DCHS2: variants seen among roughly 807,000 people sequenced by gnomAD.
DCHS2 encodes the protein protocadherin-23.
A neutral mutation model predicts 182.4 loss-of-function variants in DCHS2; 142 were observed. That is an observed-to-expected ratio of 0.78 (90% CI 0.68 to 0.89). The LOEUF is 0.89. Among genes scored for constraint, DCHS2 ranks in the 40% least tolerant of loss-of-function variants. The probability of loss-of-function intolerance (pLI) is 0.00; values close to 1 mark genes in which losing one functional copy is unlikely to be tolerated. For missense variants in DCHS2, 4,319 were observed against 4,198.6 expected, an observed-to-expected ratio of 1.03 and a Z score of -0.79; for synonymous variants, 1,740 against 1,663.3, an observed-to-expected ratio of 1.05 and a Z score of -1.12.
chr4:154,353,757 C>T (rs956553894), intron 3 of DCHS2, among the ~76,000 whole-genome samples: 2 of 152,182 alleles, frequency 1.3e-5, no homozygotes, highest in South Asian at 4.1e-4. Context: ...CAAAGGGTGT[C>T]CCCTGACTAC....
intron 1 of DCHS2, among the ~76,000 whole-genome samples, chr4:154,479,801 C>T (rs1457090031): frequency 1.3e-5 from 2 of 152,102 alleles, no homozygotes; most frequent in Admixed American, 1.3e-4. Context: ...TATAAATTGG[C>T]CTCCCTGTCA....
At chr4:154,279,110 T>C (rs2111229373) in intron 13 of DCHS2, among the ~76,000 whole-genome samples, 1 of 152,214 alleles carries the variant, frequency 6.6e-6, no homozygotes, top group East Asian at 1.9e-4. Context: ...ATAGAATGTG[T>C]TGGGGATGTA....
At position 154,490,160 on chromosome 4, in the gene DCHS2, A is replaced by T. The variant is rs1262345636; in HGVS notation, c.1196T>A (p.Val399Glu). The change falls in exon 1 of 20, where the codon GTG (valine) becomes GAG (glutamate). Residue 399 changes from valine (V) to glutamate (E), a missense_variant. Coordinates refer to ENST00000357232, the MANE Select transcript of DCHS2 (RefSeq NM_001358235.2). ...GAEPEVATVR[V>E]SIAVLDVNDN... ...ATTCACGTCCAGCACGGCGATGGAC[A>T]CGCGCACCGTGGCAACCTCAGGCTC... The T allele has an allele frequency of 6.5e-7, 1 of 1,549,454 alleles. No homozygotes were observed. Among genetic ancestry groups the T allele is most frequent in the Non-Finnish European group, 8.7e-7 (1 of 1,146,520 alleles).
intron 15 of DCHS2, among the ~76,000 whole-genome samples, chr4:154,257,795 G>A (rs1417038005): frequency 2.6e-5 from 4 of 152,196 alleles, no homozygotes. Flanking sequence ...CTCAATGATT[G>A]GAAAATGGAA....
intron 1 of DCHS2, among the ~76,000 whole-genome samples, chr4:154,441,340 G>A (rs1734003528): frequency 1.3e-5 from 2 of 152,122 alleles, no homozygotes; most frequent in African/African-American, 4.8e-5. Context: ...AGCATTTTGG[G>A]AAGCAAAGGG....
chr4:154,490,295 G>T lies in DCHS2; in HGVS notation c.1061C>A (p.Ala354Asp), dbSNP rs1239499069. 2 of 1,547,144 alleles carry T rather than the reference G, an allele frequency of 1.3e-6. No homozygotes were observed. The highest frequency in any genetic ancestry group is 1.7e-6 in the Non-Finnish European group (2 of 1,146,626). The stretch of plus-strand genomic sequence containing the variant: ...GCTCAGCTCCTCCACCGCGAAGTAG[G>T]CCGCGTCGCCCAGTGCCCCGCCGCC... Reference protein sequence around the residue: ...GSGGGALGDAAYFAVEELSGV... With the variant: ...GSGGGALGDADYFAVEELSGV... Residue 354 changes from alanine to aspartate, a missense_variant, in exon 1 of 20, where the codon GCC becomes GAC. Coordinates refer to ENST00000357232, the MANE Select transcript of DCHS2 (RefSeq NM_001358235.2).
At chr4:154,295,317 C>T (rs1468050827) in intron 13 of DCHS2, among the ~76,000 whole-genome samples, 2 of 152,188 alleles carry the variant, frequency 1.3e-5, no homozygotes, top group Non-Finnish European at 2.9e-5. Context: ...ATTTTAGATG[C>T]CTAGTTAGAT....
At chr4:154,244,055 G>A (rs545748841) in intron 16 of DCHS2, among the ~76,000 whole-genome samples, 185 of 152,266 alleles carry the variant, frequency 1.2e-3, no homozygotes, top group African/African-American at 4.3e-3. Flanking sequence ...ACATCTCTGC[G>A]AAGTTGTCAT....
chr4:154,313,551 T>C (rs887759726), intron 10 of DCHS2, among the ~76,000 whole-genome samples: 5 of 152,202 alleles, frequency 3.3e-5, no homozygotes, highest in Admixed American at 3.3e-4. Flanking sequence ...TCCAGTGTAA[T>C]GCCAGTTATG....
At chr4:154,395,639 G>A (rs1731898706) in intron 1 of DCHS2, among the ~76,000 whole-genome samples, 1 of 152,222 alleles carries the variant, frequency 6.6e-6, no homozygotes, top group African/African-American at 2.4e-5. Flanking sequence ...GTAAAACTGA[G>A]AATTTATCAA....
chr4:154,362,291 C>T (rs1730159996), intron 3 of DCHS2, among the ~76,000 whole-genome samples: 1 of 152,010 alleles, frequency 6.6e-6, no homozygotes, highest in Admixed American at 6.6e-5. Context: ...TGGGGATAGG[C>T]CATAGAGTCA....
chr4:154,275,376 T>C (rs1733807946), intron 13 of DCHS2, among the ~76,000 whole-genome samples: 2 of 152,134 alleles, frequency 1.3e-5, no homozygotes, highest in African/African-American at 4.8e-5. Flanking sequence ...TTCCAAACGG[T>C]TATTCTTTTC....
At chr4:154,460,943 T>G (rs1734985731) in intron 1 of DCHS2, among the ~76,000 whole-genome samples, 1 of 152,130 alleles carries the variant, frequency 6.6e-6, no homozygotes, top group South Asian at 2.1e-4. Context: ...AAGACATAAT[T>G]GAATCACTGT....
intron 1 of DCHS2, among the ~76,000 whole-genome samples, chr4:154,382,301 G>T (rs553590775): frequency 6.6e-6 from 1 of 152,088 alleles, no homozygotes; most frequent in South Asian, 2.1e-4. Flanking sequence ...TCAACTAGAT[G>T]AATTTTAATT....
At chr4:154,299,807 C>G (rs1180821542) in intron 12 of DCHS2, among the ~76,000 whole-genome samples, 10 of 152,130 alleles carry the variant, frequency 6.6e-5, no homozygotes, top group Non-Finnish European at 1.3e-4. Flanking sequence ...AAGACATGAC[C>G]TAGCTCCAAG....
chr4:154,454,233 A>C (rs1207407669), intron 1 of DCHS2, among the ~76,000 whole-genome samples: 1 of 152,096 alleles, frequency 6.6e-6, no homozygotes. Context: ...CAGAGAAATA[A>C]GACAACAATC....
intron 1 of DCHS2, among the ~76,000 whole-genome samples, chr4:154,439,093 A>C (rs1455615668): frequency 6.6e-6 from 1 of 152,204 alleles, no homozygotes. Context: ...CTGTAGTTGC[A>C]TATTATGCTA....
At chr4:154,448,160 C>A (rs1734380149) in intron 1 of DCHS2, among the ~76,000 whole-genome samples, 1 of 152,182 alleles carries the variant, frequency 6.6e-6, no homozygotes, top group Admixed American at 6.5e-5. Flanking sequence ...TCCTCCACAT[C>A]TCAGGTGCTC....
chr4:154,305,026 A>G, intron 11 of DCHS2, 71 bp downstream of exon 11: 1 of 1,507,078 alleles, frequency 6.6e-7, no homozygotes, highest in South Asian at 1.3e-5. Flanking sequence ...ATAACATTTC[A>G]CCACTTAACA....
Sources: allele counts gnomAD v4.1 joint callset (sites outside exome capture counted in the v4.1 genomes callset), GRCh38; gene constraint gnomAD v4.1.1; transcripts MANE v1.5; gene names NCBI Gene and HGNC (gene_info 2026-07-23, HGNC 2026-07-21).